The following ABCD3 variants were observed in gnomAD, a reference collection of about 807,000 sequenced individuals.
ABCD3 encodes the protein ATP binding cassette subfamily D member 3.
In ABCD3, 41 loss-of-function variants were observed where a neutral mutation model predicts 105.5. That is an observed-to-expected ratio of 0.39 (90% CI 0.30 to 0.50). The LOEUF (loss-of-function observed/expected upper bound fraction) is 0.50, where lower values mean the gene tolerates loss of function less well. Ranked by LOEUF, ABCD3 falls within the 20% of genes least tolerant of loss-of-function variation. The probability of loss-of-function intolerance (pLI) is 0.84; values close to 1 mark genes in which losing one functional copy is unlikely to be tolerated. For missense variants in ABCD3, 622 were observed against 806.3 expected, an observed-to-expected ratio of 0.77 and a Z score of 2.77; for synonymous variants, 258 against 269.0, an observed-to-expected ratio of 0.96 and a Z score of 0.40.
the ABCD3 span, among the ~76,000 whole-genome samples, chr1:94,385,537 AC>A: frequency 6.6e-6 from 1 of 151,964 alleles, no homozygotes; most frequent in Admixed American, 6.6e-5. Context: ...ACTGACACCA[AC>A]CCCTGCCATC....
At chr1:94,511,291 C>G (rs1185328813) in intron 21 of ABCD3, among the ~76,000 whole-genome samples, 9 of 152,034 alleles carry the variant, frequency 5.9e-5, no homozygotes, top group Non-Finnish European at 7.4e-5. Context: ...GTTGAAAATT[C>G]TTTTCTTTAA....
chr1:94,473,459 A>G (rs1557677766), intron 4 of ABCD3, among the ~76,000 whole-genome samples: 1 of 152,146 alleles, frequency 6.6e-6, no homozygotes, highest in Non-Finnish European at 1.5e-5. Flanking sequence ...GTTAATTGTT[A>G]TGCTAGCTTA....
intron 21 of ABCD3, among the ~76,000 whole-genome samples, chr1:94,508,005 A>T (rs1457148933): frequency 2.7e-5 from 4 of 146,762 alleles, no homozygotes; most frequent in Non-Finnish European, 6.1e-5. Context: ...ATTAGATCCC[A>T]TTTGTCAATT....
chr1:94,473,103 G>T (rs904070199), intron 4 of ABCD3, among the ~76,000 whole-genome samples: 6 of 152,156 alleles, frequency 3.9e-5, no homozygotes, highest in African/African-American at 1.4e-4. Flanking sequence ...TGAAGCTTCT[G>T]TAGATCCATT....
chr1:94,495,582 A>G (rs1275192773), intron 16 of ABCD3, among the ~76,000 whole-genome samples: 3 of 152,218 alleles, frequency 2.0e-5, no homozygotes, highest in African/African-American at 4.8e-5. Context: ...TTTAGAGCAT[A>G]AAAGGATAAC....
At position 94,425,798 on chromosome 1, in the gene ABCD3, C is replaced by T. The variant is rs533370135; in HGVS notation, c.110+7210C>T. Among the ~76,000 whole-genome samples, 3 of 152,260 alleles carry T rather than the reference C, an allele frequency of 2.0e-5. No individual in the cohort carries two copies. In the South Asian group the frequency reaches 6.2e-4, roughly 32 times the overall value. On this transcript the variant is annotated intron_variant, in intron 1 of 22. Transcript: ENST00000370214. ...GTATTTTATAATTTGCAAAAATGAA[C>T]ATTTTTTTGTGCAGCTACTTGATCT...
intron 20 of ABCD3, among the ~76,000 whole-genome samples, chr1:94,500,229 C>T (rs17111597): frequency 0.025 from 3,801 of 151,982 alleles, 130 homozygotes; most frequent in African/African-American, 0.068. Flanking sequence ...CTAAACACTA[C>T]GTAGTAAGAA....
chr1:94,454,728 T>A (rs577935263), intron 1 of ABCD3, among the ~76,000 whole-genome samples: 4 of 152,222 alleles, frequency 2.6e-5, no homozygotes, highest in Non-Finnish European at 5.9e-5. Flanking sequence ...CTTGGCCCAC[T>A]GCAACCTCTG....
chr1:94,394,900 T>A, the ABCD3 span, among the ~76,000 whole-genome samples: 39 of 152,346 alleles, frequency 2.6e-4, no homozygotes, highest in African/African-American at 9.1e-4. Context: ...TTTTCAATCG[T>A]GTCTATCTTG....
At chr1:94,385,385 A>G in the ABCD3 span, among the ~76,000 whole-genome samples, 4 of 141,648 alleles carry the variant, frequency 2.8e-5, no homozygotes, top group Non-Finnish European at 6.1e-5. Context: ...TACAAAGCAA[A>G]GAGAGAGAGA....
At chr1:94,394,617 G>A in the ABCD3 span, among the ~76,000 whole-genome samples, 2,135 of 152,296 alleles carry the variant, frequency 0.014, 20 homozygotes, top group Non-Finnish European at 0.023. Flanking sequence ...CTCAGAGAGC[G>A]GAGAGGAAAA....
At position 94,422,356 on chromosome 1, in the gene ABCD3, A is replaced by G. The variant is rs536137153; in HGVS notation, c.110+3768A>G. Among the ~76,000 whole-genome samples the G allele has an allele frequency of 4.3e-3, 654 of 152,294 alleles. 7 individuals carry two copies. The highest frequency in any genetic ancestry group is 6.3e-3 in the Non-Finnish European group (431 of 68,024). On this transcript the variant is annotated intron_variant, in intron 1 of 22. Coordinates refer to ENST00000370214, the MANE Select transcript of ABCD3 (RefSeq NM_002858.4). ...TGTAAACTGCACATGTGAGGGATCTAGGTTGCACACTTCTTATGAGAATCT... is the reference window on the plus strand; with the variant it reads ...TGTAAACTGCACATGTGAGGGATCTGGGTTGCACACTTCTTATGAGAATCT...
chr1:94,492,104 AAATTT>A (rs1416786700), intron 16 of ABCD3, among the ~76,000 whole-genome samples: 1 of 152,124 alleles, frequency 6.6e-6, no homozygotes, highest in East Asian at 1.9e-4. Flanking sequence ...ACTGAATTTA[AAATTT>A]AATTTAATTA....
rs1248942713 is a variant in ABCD3 at position 94,475,829 on chromosome 1, A to ACAG, written c.627+98_627+100dup. On this transcript the variant is annotated intron_variant, in intron 7 of 22. Coordinates refer to ENST00000370214, the MANE Select transcript of ABCD3 (RefSeq NM_002858.4). ...ATATAGAATTGATTTTGTGGACATAACAGCAGCATGTAAATATTTAATGCT... is the reference window on the plus strand; with the variant it reads ...ATATAGAATTGATTTTGTGGACATAACAGCAGCAGCATGTAAATATTTAATGCT... 11 of 978,474 alleles carry ACAG rather than the reference A, an allele frequency of 1.1e-5. No homozygotes were observed. In the East Asian group the frequency reaches 2.9e-4, roughly 26 times the overall value. 60.6% of individuals were successfully genotyped at this position (978,474 alleles called of 1,614,324 possible).
Position 94,517,419 on chromosome 1 carries a change from C to G in ABCD3, c.*290C>G. On this transcript the variant is annotated 3_prime_UTR_variant, in exon 23 of 23. Coordinates refer to ENST00000370214, the MANE Select transcript of ABCD3 (RefSeq NM_002858.4). ...TAAATTGGGCTTCAATCACTGTAAC[C>G]TGATTCATCCTGGGATGTAAACCAT... is the stretch of plus-strand genomic sequence containing the variant. 8.4e-6 allele frequency: 3 copies of G among 357,936 alleles called. No homozygotes were observed. Among genetic ancestry groups the G allele is most frequent in the South Asian group, 7.2e-5 (3 of 41,712 alleles). The allele number at this position is 357,936 out of a possible 1,614,324, so 22.2% of individuals were successfully genotyped here.
intron 21 of ABCD3, among the ~76,000 whole-genome samples, chr1:94,512,173 G>C (rs1388128309): frequency 6.6e-6 from 1 of 151,986 alleles, no homozygotes; most frequent in Non-Finnish European, 1.5e-5. Flanking sequence ...GGTTTTTGGT[G>C]TGGATGTCCT....
Position 94,487,998 on chromosome 1 carries a change from A to T in ABCD3, c.1157+15A>T. 6.3e-7 allele frequency: 1 copy of T among 1,582,658 alleles called. No individual in the cohort carries two copies. The highest frequency in any genetic ancestry group is 8.7e-7 in the Non-Finnish European group (1 of 1,152,082). ...AGATTGGCCGGGTAAGATTAGTAAT[A>T]ATGAGCTGTTGCAGAAAATAATTTT... is the stretch of plus-strand genomic sequence containing the variant. On this transcript the variant is annotated intron_variant, in intron 13 of 22. Coordinates refer to ENST00000370214, the MANE Select transcript of ABCD3 (RefSeq NM_002858.4).
chr1:94,507,013 A>G (rs1650393437), intron 21 of ABCD3, among the ~76,000 whole-genome samples: 1 of 151,984 alleles, frequency 6.6e-6, no homozygotes, highest in Non-Finnish European at 1.5e-5. Flanking sequence ...ATTATACTTT[A>G]AGTTTTAGGG....
intron 21 of ABCD3, among the ~76,000 whole-genome samples, chr1:94,507,140 C>G (rs138075247): frequency 1.3e-5 from 2 of 150,858 alleles, no homozygotes; most frequent in South Asian, 4.2e-4. Context: ...TCCCTCCCCC[C>G]TTCCCCCACC....
Sources: allele counts gnomAD v4.1 joint callset (sites outside exome capture counted in the v4.1 genomes callset), GRCh38; gene constraint gnomAD v4.1.1; transcripts MANE v1.5; gene names NCBI Gene and HGNC (gene_info 2026-07-23, HGNC 2026-07-21).